Variants in AMPH observed in about 807,000 individuals in gnomAD.
The protein encoded by AMPH is amphiphysin (Stiff-Mann syndrome with breast cancer 128kD autoantigen).
AMPH carries 49 observed loss-of-function variants against 99.1 expected under a neutral mutation model. The observed-to-expected ratio is 0.49, with a 90% CI of 0.39 to 0.63. AMPH has a LOEUF of 0.63. Ranked by LOEUF, AMPH falls within the 20% of genes least tolerant of loss-of-function variation. AMPH has a pLI of 0.00. For missense variants in AMPH, 759 were observed against 863.4 expected (o/e 0.88, Z 1.52); for synonymous variants, 314 against 317.3 (o/e 0.99, Z 0.11).
intron 2 of AMPH, among the ~76,000 whole-genome samples, chr7:38,517,483 C>T (rs930748989): frequency 6.6e-6 from 1 of 152,164 alleles, no homozygotes; most frequent in Non-Finnish European, 1.5e-5. Flanking sequence ...TTCCTGAGTG[C>T]CCCCCATCCA....
chr7:38,488,115 G>A (rs1474684099), intron 5 of AMPH, among the ~76,000 whole-genome samples: 1 of 152,182 alleles, frequency 6.6e-6, no homozygotes, highest in African/African-American at 2.4e-5. Flanking sequence ...AGACAGTGTG[G>A]CAATTCCTCA....
intron 5 of AMPH, among the ~76,000 whole-genome samples, chr7:38,478,424 A>G (rs891322959): frequency 2.0e-5 from 3 of 152,160 alleles, no homozygotes; most frequent in African/African-American, 7.2e-5. Context: ...ATAAAGACCC[A>G]ATGCAGCTCA....
At chr7:38,410,102 A>G (rs1325909146) in intron 17 of AMPH, among the ~76,000 whole-genome samples, 1 of 152,226 alleles carries the variant, frequency 6.6e-6, no homozygotes, top group African/African-American at 2.4e-5. Flanking sequence ...TTTATGGTAC[A>G]ATAAGCATTT....
chr7:38,536,338 G>A (rs1790599342), intron 1 of AMPH, among the ~76,000 whole-genome samples: 1 of 152,032 alleles, frequency 6.6e-6, no homozygotes, highest in African/African-American at 2.4e-5. Context: ...TTTTTAACTA[G>A]ACATTTTCAT....
intron 17 of AMPH, among the ~76,000 whole-genome samples, chr7:38,406,922 C>T (rs1260598703): frequency 6.7e-6 from 1 of 149,002 alleles, no homozygotes; most frequent in South Asian, 2.2e-4. Flanking sequence ...CAGACTTAGG[C>T]TGAGCCTTGC....
At chr7:38,398,987 G>T (rs2392568) in intron 17 of AMPH, among the ~76,000 whole-genome samples, 34,088 of 151,912 alleles carry the variant, frequency 0.22, 3,994 homozygotes, top group Middle Eastern at 0.31. Context: ...CACCTCAGCT[G>T]TGATTTTTGT....
At chr7:38,560,748 T>C (rs765150432) in intron 1 of AMPH, among the ~76,000 whole-genome samples, 25 of 152,220 alleles carry the variant, frequency 1.6e-4, no homozygotes, top group Non-Finnish European at 3.5e-4. Flanking sequence ...GTACCACTCC[T>C]AGGGTGGTTC....
At chr7:38,444,532 AT>A (rs1786682590) in intron 11 of AMPH, among the ~76,000 whole-genome samples, 2 of 152,094 alleles carry the variant, frequency 1.3e-5, no homozygotes, top group Admixed American at 6.6e-5. Flanking sequence ...CAAGGTGCAT[AT>A]TGGAGTACTG....
intron 1 of AMPH, among the ~76,000 whole-genome samples, chr7:38,571,428 A>C (rs1792022109): frequency 2.5e-5 from 1 of 39,450 alleles, no homozygotes; most frequent in Non-Finnish European, 5.3e-5. Flanking sequence ...TTATATATAG[A>C]ATATTTATAT....
chr7:38,432,251 A>C (rs1159222994), intron 12 of AMPH, 39 bp from the exon 13 acceptor site: 1 of 1,578,966 alleles, frequency 6.3e-7, no homozygotes, highest in Non-Finnish European at 8.7e-7. Flanking sequence ...AGTTATACAA[A>C]TCTAAAACAT....
At chr7:38,611,952 T>C (rs1197924597) in intron 1 of AMPH, among the ~76,000 whole-genome samples, 1 of 152,184 alleles carries the variant, frequency 6.6e-6, no homozygotes, top group Non-Finnish European at 1.5e-5. Context: ...TCAAACACGG[T>C]CTGTCTACAC....
intron 1 of AMPH, among the ~76,000 whole-genome samples, chr7:38,630,405 C>A (rs1381720184): frequency 6.6e-6 from 1 of 152,180 alleles, no homozygotes; most frequent in East Asian, 1.9e-4. Flanking sequence ...GCTGTGCTTG[C>A]TACGGACCTG....
At chr7:38,427,220 T>C (rs950309517) in intron 14 of AMPH, among the ~76,000 whole-genome samples, 7 of 152,156 alleles carry the variant, frequency 4.6e-5, no homozygotes, top group Admixed American at 2.6e-4. Flanking sequence ...TGCTGCATTA[T>C]TGCTTGGTGC....
intron 1 of AMPH, among the ~76,000 whole-genome samples, chr7:38,629,913 T>TA (rs907596662): frequency 6.6e-6 from 1 of 152,036 alleles, no homozygotes; most frequent in African/African-American, 2.4e-5. Context: ...GGGTAGATAT[T>TA]AAAAGAAATA....
chr7:38,453,263 A>G (rs996184870), intron 11 of AMPH, among the ~76,000 whole-genome samples: 17 of 152,198 alleles, frequency 1.1e-4, no homozygotes, highest in African/African-American at 4.1e-4. Context: ...AGACTGAAGG[A>G]TGTGACACAC....
Position 38,629,986 on chromosome 7 carries a change from G to A in AMPH, c.69+1297C>T, listed in dbSNP as rs376513133. ...GGGAGGGACTAGAGGCAGCCACCAAGCCTCTGGGCCTGGGGACAAAAGGGA... is the reference window on the plus strand; with the variant it reads ...GGGAGGGACTAGAGGCAGCCACCAAACCTCTGGGCCTGGGGACAAAAGGGA... On this transcript the variant is annotated intron_variant, in intron 1 of 20. Coordinates refer to ENST00000356264, the MANE Select transcript of AMPH (RefSeq NM_001635.4). Among the ~76,000 whole-genome samples, 11 of 152,258 alleles carry A rather than the reference G, an allele frequency of 7.2e-5. No individual in the cohort carries two copies. In the East Asian group the frequency reaches 1.9e-3, roughly 27 times the overall value.
intron 2 of AMPH, among the ~76,000 whole-genome samples, chr7:38,506,252 G>A (rs988398645): frequency 3.9e-5 from 6 of 152,152 alleles, no homozygotes; most frequent in African/African-American, 1.4e-4. Context: ...ATCAACAGAG[G>A]AAATGCTGAA....
chr7:38,552,344 C>A (rs1047521454), intron 1 of AMPH, among the ~76,000 whole-genome samples: 38 of 152,326 alleles, frequency 2.5e-4, no homozygotes, highest in African/African-American at 9.1e-4. Context: ...GAGGTCTGCA[C>A]AGATCATTTG....
intron 17 of AMPH, among the ~76,000 whole-genome samples, chr7:38,397,232 C>G (rs1280989192): frequency 6.6e-6 from 1 of 152,202 alleles, no homozygotes; most frequent in Non-Finnish European, 1.5e-5. Flanking sequence ...CACATTATTA[C>G]TAATTGGCTT....
Sources: allele counts gnomAD v4.1 joint callset (sites outside exome capture counted in the v4.1 genomes callset), GRCh38; gene constraint gnomAD v4.1.1; transcripts MANE v1.5; gene names NCBI Gene and HGNC (gene_info 2026-07-23, HGNC 2026-07-21).